The following WNT6 variants were observed in gnomAD, a reference collection of about 807,000 sequenced individuals.
WNT6 encodes the protein Wnt family member 6, also known as protein Wnt-6.
A neutral mutation model predicts 33.1 loss-of-function variants in WNT6; 27 were observed. The ratio of observed to expected loss-of-function variants is 0.82; its 90% CI spans 0.60 to 1.12. The LOEUF (loss-of-function observed/expected upper bound fraction) is 1.12. WNT6 is among the 50% of genes most tolerant of loss of function. The pLI is 0.00. For missense variants in WNT6, 494 were observed against 535.3 expected, an observed-to-expected ratio of 0.92 and a Z score of 0.76; for synonymous variants, 249 against 242.8, an observed-to-expected ratio of 1.03 and a Z score of -0.24.
In WNT6 at chr2:218,873,727, G is replaced by A; in HGVS notation, c.980G>A (p.Arg327His). 6.3e-7 allele frequency: 1 copy of A among 1,575,660 alleles called. No homozygotes were observed. The highest frequency in any genetic ancestry group is 8.6e-7 in the Non-Finnish European group (1 of 1,167,126). Reference sequence around the variant, plus strand: ...GGCTGCGACCTGCTGTGCTGCGGCCGCGGGCACCGCCAGGAGAGCGTGCAG... The same window carrying A: ...GGCTGCGACCTGCTGTGCTGCGGCCACGGGCACCGCCAGGAGAGCGTGCAG... ...LSGCDLLCCGRGHRQESVQLE... is the reference protein window; with the variant it reads ...LSGCDLLCCGHGHRQESVQLE... Residue 327 changes from arginine to histidine, a missense_variant, in exon 4 of 4, where the codon CGC (arginine) becomes CAC (histidine). Arg to His is a conservative substitution (Grantham distance 29). Transcript: ENST00000233948. This position sits in a 1 kb window ranked among gnomAD's most constrained non-coding sequence, Gnocchi z 6.1.
intron 1 of WNT6, among the ~76,000 whole-genome samples, chr2:218,862,201 G>T (rs980841295): frequency 6.6e-6 from 1 of 152,126 alleles, no homozygotes; most frequent in African/African-American, 2.4e-5. Flanking sequence ...AGGGCGTGCC[G>T]GGTGAGGAGT....
At chr2:218,869,468 C>T (rs184182424) in intron 1 of WNT6, among the ~76,000 whole-genome samples, 5 of 152,244 alleles carry the variant, frequency 3.3e-5, no homozygotes, top group South Asian at 4.1e-4. Context: ...GACAGTGGGG[C>T]GGATATGCAC....
Position 218,859,970 on chromosome 2 carries a change from C to T in WNT6, c.-68C>T, listed in dbSNP as rs888920093. The T allele has an allele frequency of 8.0e-7, 1 of 1,242,500 alleles. No individual in the cohort carries two copies. The highest frequency in any genetic ancestry group is 1.0e-6 in the Non-Finnish European group (1 of 984,286). 77.0% of individuals were successfully genotyped at this position (1,242,500 alleles called of 1,614,324 possible). The stretch of plus-strand genomic sequence containing the variant: ...GCCGCGCTCGCACTGAAGCCCGGGC[C>T]CTCGCGCGCCGCGGTTCGCCCCGCA... On this transcript the variant is annotated 5_prime_UTR_variant, in exon 1 of 4. Transcript: ENST00000233948.
At chr2:218,866,149 C>T (rs1386677906) in intron 1 of WNT6, among the ~76,000 whole-genome samples, 1 of 152,164 alleles carries the variant, frequency 6.6e-6, no homozygotes, top group South Asian at 2.1e-4. Context: ...CCACCTCCCC[C>T]ACCCCTGTGC....
At position 218,871,833 on chromosome 2, in the gene WNT6, G is replaced by A. The variant is rs747697266; in HGVS notation, c.636+14G>A. 1.3e-6 allele frequency: 2 copies of A among 1,569,896 alleles called. No individual in the cohort carries two copies. The highest frequency in any genetic ancestry group is 2.5e-5 in the East Asian group (1 of 39,778). ...GCGGGCAGGCTGGTGCGTACGGGCA[G>A]GATGGAGTGAGTGTGTGCGGAAATG... On this transcript the variant is annotated intron_variant, in intron 3 of 3. Transcript: ENST00000233948. This position sits in a 1 kb window ranked among gnomAD's most constrained non-coding sequence, Gnocchi z 6.4.
Position 218,871,277 on chromosome 2 carries a change from C to T in WNT6, c.301+30C>T, listed in dbSNP as rs369646470. 1 of 1,583,386 alleles carries T rather than the reference C, an allele frequency of 6.3e-7. No homozygotes were observed. Among genetic ancestry groups the T allele is most frequent in the African/African-American group, 1.3e-5 (1 of 74,398 alleles). On this transcript the variant is annotated intron_variant, in intron 2 of 3. Coordinates refer to ENST00000233948, the MANE Select transcript of WNT6 (RefSeq NM_006522.4). The surrounding 1 kb of genome is among the most constrained non-coding windows in gnomAD (Gnocchi z 6.4). ...GTGTGGGGAGGGGGCGGAAGTGGGG[C>T]TGCTTTCTCCCTGCTGTGGGACCCG...
At chr2:218,864,062 G>T (rs1032634833) in intron 1 of WNT6, among the ~76,000 whole-genome samples, 1 of 152,122 alleles carries the variant, frequency 6.6e-6, no homozygotes, top group African/African-American at 2.4e-5. Flanking sequence ...GAGAGGGAGA[G>T]CTTCCCAGTC....
At chr2:218,872,062 C>T (rs978714549) in intron 3 of WNT6, among the ~76,000 whole-genome samples, 2 of 151,710 alleles carry the variant, frequency 1.3e-5, no homozygotes, top group African/African-American at 2.4e-5. Context: ...GACGGTACAG[C>T]GGGCAGAATG....
intron 1 of WNT6, among the ~76,000 whole-genome samples, chr2:218,865,859 T>G: frequency 6.9e-6 from 1 of 144,536 alleles, no homozygotes; most frequent in East Asian, 2.0e-4. Flanking sequence ...CTCCCAAGAG[T>G]GATGAGGAGA....
chr2:218,867,258 TGGC>T lies in WNT6; in HGVS notation c.81-3768_81-3766del, dbSNP rs1222284860. Among the ~76,000 whole-genome samples the T allele has an allele frequency of 6.6e-6, 1 of 152,186 alleles. No individual in the cohort carries two copies. Among genetic ancestry groups the T allele is most frequent in the Non-Finnish European group, 1.5e-5 (1 of 68,020 alleles). On this transcript the variant is annotated intron_variant, in intron 1 of 3. Coordinates refer to ENST00000233948, the MANE Select transcript of WNT6 (RefSeq NM_006522.4). This position sits in a 1 kb window ranked among gnomAD's most constrained non-coding sequence, Gnocchi z 4.9. ...CTTGCAATAGGGATCCCTCCACCAG[TGGC>T]CAGAGTCAGTCGCCTCCTGTCTTGC...
At chr2:218,866,484 G>T (rs1226367915) in intron 1 of WNT6, among the ~76,000 whole-genome samples, 1 of 152,158 alleles carries the variant, frequency 6.6e-6, no homozygotes, top group Non-Finnish European at 1.5e-5. Flanking sequence ...AATCCACAAT[G>T]CTGCCTGCAC....
intron 3 of WNT6, among the ~76,000 whole-genome samples, chr2:218,872,525 T>C (rs534012007): frequency 2.6e-5 from 4 of 152,182 alleles, no homozygotes; most frequent in Admixed American, 1.3e-4. Flanking sequence ...GGAGCTCTCA[T>C]TCAGGGGCAA....
chr2:218,870,810 T>C (rs1424527873), intron 1 of WNT6, among the ~76,000 whole-genome samples: 1 of 152,254 alleles, frequency 6.6e-6, no homozygotes, highest in Non-Finnish European at 1.5e-5. Context: ...ATTGAATCTT[T>C]GCTCTGTAGC....
chr2:218,874,094 T>G lies in WNT6; in HGVS notation c.*249T>G. 2.2e-6 allele frequency: 1 copy of G among 459,206 alleles called. No homozygotes were observed. The highest frequency in any genetic ancestry group is 3.8e-6 in the Non-Finnish European group (1 of 266,244). 28.4% of individuals were successfully genotyped at this position (459,206 alleles called of 1,614,324 possible). A position where few individuals can be genotyped will look rare whatever the true frequency, so the allele number is the denominator to read the frequency against. ...TAAAGGACACTGTACAGGCCCTCCC[T>G]CCCCTTGGCCTCTAGGAGGAAACAG... On this transcript the variant is annotated 3_prime_UTR_variant, in exon 4 of 4. Transcript: ENST00000233948.
chr2:218,870,596 T>C (rs138453802), intron 1 of WNT6, among the ~76,000 whole-genome samples: 128 of 152,368 alleles, frequency 8.4e-4, no homozygotes, highest in African/African-American at 2.9e-3. Flanking sequence ...TCCTTGATAC[T>C]GCTTACTTTT....
chr2:218,871,799 A>G lies in WNT6; in HGVS notation c.616A>G (p.Asn206Asp). ...CATCCGCGCGTTGGTGCAACTGCAC[A>G]ACAACGAGGCGGGCAGGCTGGTGCG... ...GDIRALVQLH[N>D]NEAGRLAVRS... The change falls in exon 3 of 4, where the codon AAC becomes GAC. Residue 206 changes from asparagine (N) to aspartate (D), a missense_variant. Asn to Asp is a conservative substitution (Grantham distance 23). Coordinates refer to ENST00000233948, the MANE Select transcript of WNT6 (RefSeq NM_006522.4). This position sits in a 1 kb window ranked among gnomAD's most constrained non-coding sequence, Gnocchi z 6.4. 1 of 1,594,396 alleles carries G rather than the reference A, an allele frequency of 6.3e-7. No individual in the cohort carries two copies.
Position 218,873,597 on chromosome 2 carries a change from C to A in WNT6, c.850C>A (p.Leu284Ile). Residue 284 changes from leucine to isoleucine, a missense_variant, in exon 4 of 4, where the codon CTC (leucine) becomes ATC (isoleucine). Physicochemically the swap from Leu to Ile is conservative, Grantham distance 5. Transcript: ENST00000233948. The surrounding 1 kb of genome is among the most constrained non-coding windows in gnomAD (Gnocchi z 6.1). ...RTLKPPGRAD[L>I]LYAADSPDFC... Reference sequence around the variant, plus strand: ...GCTCAAGCCGCCGGGCCGAGCGGACCTCCTCTACGCCGCCGATTCGCCCGA... The same window carrying A: ...GCTCAAGCCGCCGGGCCGAGCGGACATCCTCTACGCCGCCGATTCGCCCGA... 1 of 1,555,326 alleles carries A rather than the reference C, an allele frequency of 6.4e-7. No homozygotes were observed.
chr2:218,865,485 A>T (rs1944347020), intron 1 of WNT6, among the ~76,000 whole-genome samples: 1 of 152,228 alleles, frequency 6.6e-6, no homozygotes, highest in South Asian at 2.1e-4. Context: ...GAAAGCACTT[A>T]CAGATAATCA....
chr2:218,873,913 G>A lies in WNT6; in HGVS notation c.*68G>A. 2.2e-6 allele frequency: 3 copies of A among 1,368,120 alleles called. No individual in the cohort carries two copies. Among genetic ancestry groups the A allele is most frequent in the Non-Finnish European group, 2.8e-6 (3 of 1,059,804 alleles). 84.7% of individuals were successfully genotyped at this position (1,368,120 alleles called of 1,614,324 possible). A position where few individuals can be genotyped will look rare whatever the true frequency, so the allele number is the denominator to read the frequency against. On this transcript the variant is annotated 3_prime_UTR_variant, in exon 4 of 4. Transcript: ENST00000233948. The surrounding 1 kb of genome is among the most constrained non-coding windows in gnomAD (Gnocchi z 6.1). ...CGCACCTGTGGGACCTCAGGGCACC[G>A]GCACCGGGCGCCTCTCGCCGCTCGA...
Sources: gnomAD v4.1 joint callset for allele counts (sites outside exome capture counted in the v4.1 genomes callset) on GRCh38, gnomAD v4.1.1 for gene constraint, Gnocchi (gnomAD v3.1) non-coding constraint, MANE v1.5 for transcripts, NCBI Gene and HGNC (gene_info 2026-07-23, HGNC 2026-07-21) for gene names.